The following TLL1 variants were observed in gnomAD, a reference collection of about 807,000 sequenced individuals.
TLL1 encodes tolloid like 1.
Under a neutral mutation model 128.2 loss-of-function variants are expected in TLL1, and 49 were observed. That is an observed-to-expected ratio of 0.38 (90% confidence interval 0.30 to 0.48). The LOEUF is 0.48. Among genes scored for constraint, TLL1 ranks in the 20% least tolerant of loss-of-function variants. The pLI is 0.96. For synonymous variants in TLL1, 454 were observed against 418.8 expected, an observed-to-expected ratio of 1.08 and a Z score of -1.03; for missense variants, 1,123 against 1,242.0, an observed-to-expected ratio of 0.90 and a Z score of 1.44.
chr4:166,016,582 T>A (rs138242004), intron 8 of TLL1, among the ~76,000 whole-genome samples: 1 of 152,152 alleles, frequency 6.6e-6, no homozygotes, highest in African/African-American at 2.4e-5. Flanking sequence ...AGATTTCAAT[T>A]GTGTAAAATA....
At chr4:166,077,818 G>A (rs935385157) in intron 17 of TLL1, 85 bp from the exon 18 acceptor site, 3 of 1,588,210 alleles carry the variant, frequency 1.9e-6, no homozygotes, top group Admixed American at 1.7e-5. Flanking sequence ...CTTTCAACAG[G>A]GCAGTGGGTA....
intron 1 of TLL1, among the ~76,000 whole-genome samples, chr4:165,976,034 C>CAAAAAAAAAAAAAAAAAAAAAA (rs1169297533): frequency 1.4e-5 from 1 of 72,098 alleles, no homozygotes; most frequent in Non-Finnish European, 2.5e-5. Flanking sequence ...GATTCCATCT[C>CAAAAAAAAAAAAAAAAAAAAAA]AAAAAAAAAA....
intron 17 of TLL1, among the ~76,000 whole-genome samples, 197 bp downstream of exon 17, chr4:166,075,200 A>G (rs940598112): frequency 6.6e-6 from 1 of 152,190 alleles, no homozygotes; most frequent in African/African-American, 2.4e-5. Flanking sequence ...CATAGATGGC[A>G]TTAGAGTAGC....
intron 1 of TLL1, among the ~76,000 whole-genome samples, chr4:165,906,185 G>A (rs1425493986): frequency 2.0e-5 from 3 of 152,190 alleles, no homozygotes; most frequent in Non-Finnish European, 4.4e-5. Flanking sequence ...TAGATAGTGT[G>A]AGCCTCTAGA....
At position 165,914,134 on chromosome 4, in the gene TLL1, C is replaced by T. The variant is rs140713753; in HGVS notation, c.169+40061C>T. Among the ~76,000 whole-genome samples the T allele has an allele frequency of 7.6e-4, 115 of 152,202 alleles. 1 individual carries two copies. The East Asian group carries it at 0.02, about 26-fold the overall frequency. ...ATGATGTTTAAACTCTTTTCAGGAA[C>T]GCTTACCTATTTTTCACAATCATTA... On this transcript the variant is annotated intron_variant, in intron 1 of 20. Transcript: ENST00000061240.
At chr4:165,975,434 A>G (rs1412139637) in intron 1 of TLL1, among the ~76,000 whole-genome samples, 1 of 152,148 alleles carries the variant, frequency 6.6e-6, no homozygotes, top group Non-Finnish European at 1.5e-5. Context: ...ATGTAATGCT[A>G]TGCCTAGATA....
chr4:166,052,771 A>G (rs1317455462), intron 12 of TLL1, among the ~76,000 whole-genome samples: 1 of 151,830 alleles, frequency 6.6e-6, no homozygotes, highest in African/African-American at 2.4e-5. Context: ...TGGTTTGCCA[A>G]GACTTTGGTT....
intron 1 of TLL1, among the ~76,000 whole-genome samples, chr4:165,908,971 C>T (rs1020402479): frequency 1.3e-5 from 2 of 152,056 alleles, no homozygotes; most frequent in Non-Finnish European, 2.9e-5. Context: ...CCGAGGCAGG[C>T]TGATCACTTG....
chr4:166,051,261 T>TC (rs1553964935), intron 12 of TLL1, among the ~76,000 whole-genome samples: 4 of 134,956 alleles, frequency 3.0e-5, no homozygotes, highest in South Asian at 2.7e-4. Context: ...TTCTTTTTTC[T>TC]CCTCCCTCCC....
At chr4:166,002,911 C>A (rs2111033045) in intron 5 of TLL1, among the ~76,000 whole-genome samples, 1 of 152,216 alleles carries the variant, frequency 6.6e-6, no homozygotes, top group African/African-American at 2.4e-5. Context: ...TCTTTACTTT[C>A]ATATTTAGTA....
chr4:166,098,485 A>T (rs1237456867), intron 19 of TLL1, among the ~76,000 whole-genome samples: 1 of 152,100 alleles, frequency 6.6e-6, no homozygotes, highest in Non-Finnish European at 1.5e-5. Context: ...TGAGCAACAA[A>T]GTTCACTCAA....
chr4:165,897,116 G>A (rs145528159), intron 1 of TLL1, among the ~76,000 whole-genome samples: 3,182 of 151,590 alleles, frequency 0.021, 103 homozygotes, highest in African/African-American at 0.071. Flanking sequence ...TGTTTAAGTT[G>A]CTTGTAGATT....
intron 1 of TLL1, among the ~76,000 whole-genome samples, chr4:165,982,260 C>A (rs533885686): frequency 8.0e-5 from 12 of 150,662 alleles, no homozygotes; most frequent in African/African-American, 3.0e-4. Context: ...ATATGTGTTA[C>A]TGACACTATG....
chr4:165,890,031 G>A (rs1731328096), intron 1 of TLL1, among the ~76,000 whole-genome samples: 2 of 152,192 alleles, frequency 1.3e-5, no homozygotes, highest in Admixed American at 1.3e-4. Flanking sequence ...TAACAGTCAT[G>A]GCGGAAGGGG....
rs1737512076 is a variant in TLL1 at position 166,007,903 on chromosome 4, T to C, written c.812-40T>C. The C allele has an allele frequency of 4.4e-6, 6 of 1,362,020 alleles. No individual in the cohort carries two copies. In the East Asian group the frequency reaches 1.4e-4, roughly 31 times the overall value. 84.4% of individuals were successfully genotyped at this position (1,362,020 alleles called of 1,614,324 possible). A position where few individuals can be genotyped will look rare whatever the true frequency, so the allele number is the denominator to read the frequency against. On this transcript the variant is annotated intron_variant, in intron 6 of 20. Transcript: ENST00000061240. ...GGCCTTCTGGTCTATTTTCTGTCAG[T>C]TAAAAGGCTTCTGAGATTTTGTTTA... is the stretch of plus-strand genomic sequence containing the variant.
At chr4:165,876,075 C>CTG (rs1351859017) in intron 1 of TLL1, among the ~76,000 whole-genome samples, 4 of 152,116 alleles carry the variant, frequency 2.6e-5, no homozygotes, top group Admixed American at 6.5e-5. Flanking sequence ...CAGTGCACAC[C>CTG]TGTGTGTGTG....
chr4:166,037,489 A>T (rs948338471), intron 9 of TLL1, among the ~76,000 whole-genome samples: 1 of 152,110 alleles, frequency 6.6e-6, no homozygotes, highest in Non-Finnish European at 1.5e-5. Flanking sequence ...AAGAGGGAAG[A>T]TAAAAATAAA....
chr4:166,086,317 T>C (rs1398120527), intron 18 of TLL1, among the ~76,000 whole-genome samples: 1 of 152,152 alleles, frequency 6.6e-6, no homozygotes, highest in East Asian at 1.9e-4. Context: ...GTTCTAGTTA[T>C]CTACTGCTGC....
rs933082228 is a variant in TLL1 at position 166,102,282 on chromosome 4, T to A, written c.*1406T>A. 1 of 152,484 alleles carries A rather than the reference T, an allele frequency of 6.6e-6. No homozygotes were observed. The highest frequency in any genetic ancestry group is 1.5e-5 in the Non-Finnish European group (1 of 67,960). The allele number at this position is 152,484 out of a possible 1,614,324, so 9.4% of individuals were successfully genotyped here. A position where few individuals can be genotyped will look rare whatever the true frequency, so the allele number is the denominator to read the frequency against. On this transcript the variant is annotated 3_prime_UTR_variant, in exon 21 of 21. Coordinates refer to ENST00000061240, the MANE Select transcript of TLL1 (RefSeq NM_012464.5). The stretch of plus-strand genomic sequence containing the variant: ...ATGACTGAAGCATTGGATATAAATA[T>A]GGTGTCCTGCTTTTTTTGTAGAAAA...
Sources: allele counts gnomAD v4.1 joint callset (sites outside exome capture counted in the v4.1 genomes callset), GRCh38; gene constraint gnomAD v4.1.1; transcripts MANE v1.5; gene names NCBI Gene and HGNC (gene_info 2026-07-23, HGNC 2026-07-21).